Variants in GRK1 observed in about 807,000 individuals in gnomAD.
The protein encoded by GRK1 is rhodopsin kinase GRK1.
In GRK1, 28 loss-of-function variants were observed where a neutral mutation model predicts 41.7. The ratio of observed to expected loss-of-function variants is 0.67; its 90% confidence interval spans 0.50 to 0.92. The LOEUF is 0.92. GRK1 is among the 40% of genes least tolerant of loss of function. GRK1 has a pLI of 0.00. For synonymous variants in GRK1, 327 were observed against 286.7 expected (o/e 1.14, Z -1.42); for missense variants, 703 against 671.2 (o/e 1.05, Z -0.52).
the GRK1 span, chr13:113,649,519 G>T: frequency 6.5e-7 from 1 of 1,535,876 alleles, no homozygotes; most frequent in East Asian, 2.5e-5. This position sits in a 1 kb window ranked among gnomAD's most constrained non-coding sequence, Gnocchi z 4.7. Context: ...TGCCACCAGG[G>T]GGTTGCTGTA....
chr13:113,651,145 T>A, the GRK1 span, among the ~76,000 whole-genome samples: 1 of 152,022 alleles, frequency 6.6e-6, no homozygotes, highest in African/African-American at 2.4e-5. Flanking sequence ...CTGTGAAACC[T>A]TTGCCTTTGG....
At chr13:113,733,655 G>GTGTGCTCATGTA (rs2049959315) in intron 6 of GRK1, among the ~76,000 whole-genome samples, 3 of 89,232 alleles carry the variant, frequency 3.4e-5, no homozygotes, top group East Asian at 4.1e-4. Flanking sequence ...GTGCATACGT[G>GTGTGCTCATGTA]TGTGTGCGTG....
chr13:113,724,628 G>C (rs948875497), intron 4 of GRK1, among the ~76,000 whole-genome samples: 1 of 152,210 alleles, frequency 6.6e-6, no homozygotes, highest in Non-Finnish European at 1.5e-5. Flanking sequence ...CTCATGGCTG[G>C]GTTGCCATCT....
intron 4 of GRK1, among the ~76,000 whole-genome samples, chr13:113,727,921 CG>C (rs1566696758): frequency 9.4e-5 from 8 of 84,802 alleles, no homozygotes; most frequent in African/African-American, 3.8e-4. Flanking sequence ...GTACCCATGG[CG>C]ATGAGGAGTA....
At chr13:113,661,641 C>T in the GRK1 span, among the ~76,000 whole-genome samples, 2 of 152,048 alleles carry the variant, frequency 1.3e-5, no homozygotes, top group South Asian at 2.1e-4. Flanking sequence ...TAACTGATAG[C>T]AGGAATAAAA....
At chr13:113,656,823 C>T in the GRK1 span, among the ~76,000 whole-genome samples, 1 of 152,214 alleles carries the variant, frequency 6.6e-6, no homozygotes, top group Non-Finnish European at 1.5e-5. Context: ...GGAGGCGGCA[C>T]ATGGGAGTCT....
the GRK1 span, among the ~76,000 whole-genome samples, chr13:113,649,895 G>A: frequency 4.6e-5 from 7 of 152,330 alleles, no homozygotes; most frequent in East Asian, 1.3e-3. The surrounding 1 kb of genome is among the most constrained non-coding windows in gnomAD (Gnocchi z 4.7). Context: ...GGGCGCAGTG[G>A]CTCATGCCTG....
In GRK1 at chr13:113,671,390, G is replaced by A. The variant is rs1160810818; in HGVS notation, c.828-109G>A. 12 of 734,984 alleles carry A rather than the reference G, an allele frequency of 1.6e-5. No homozygotes were observed. The highest frequency in any genetic ancestry group is 2.5e-5 in the Non-Finnish European group (10 of 400,640). 45.5% of individuals were successfully genotyped at this position (734,984 alleles called of 1,614,324 possible). ...ACGTAGGGGGGCCAGGCCTCAAAAC[G>A]ACCAGAACGCTGGCCGAGAGACATG... On this transcript the variant is annotated intron_variant, in intron 2 of 6. Transcript: ENST00000335678. This position sits in a 1 kb window ranked among gnomAD's most constrained non-coding sequence, Gnocchi z 4.1.
At chr13:113,655,071 C>T in the GRK1 span, 1 of 1,297,812 alleles carries the variant, frequency 7.7e-7, no homozygotes. Context: ...TTCTCCTCCC[C>T]CAAAACAGAA....
intron 6 of GRK1, among the ~76,000 whole-genome samples, chr13:113,733,612 T>C (rs955085263): frequency 2.0e-5 from 3 of 147,386 alleles, no homozygotes; most frequent in Non-Finnish European, 3.0e-5. Flanking sequence ...TGCGCATGTG[T>C]ATGTGTGTGC....
intron 6 of GRK1, 115 bp from the exon 7 acceptor site, chr13:113,734,953 G>T: frequency 2.9e-6 from 3 of 1,048,682 alleles, no homozygotes; most frequent in Non-Finnish European, 4.0e-6. Flanking sequence ...CCCTAAGGAA[G>T]AGCGGCCCCA....
chr13:113,733,600 TGTGCGC>T (rs2049957095), intron 6 of GRK1, among the ~76,000 whole-genome samples: 1 of 150,816 alleles, frequency 6.6e-6, no homozygotes, highest in Non-Finnish European at 1.5e-5. Flanking sequence ...TGTGTGCATG[TGTGCGC>T]ATGTGTATGT....
rs972297289 is a variant in GRK1, at chr13:113,735,332, C to G, written c.1661C>G (p.Ser554Trp). ...GGCATCTCCGGGGGCTCCAGCTCCT[C>G]GTCCAAGTCAGGGATGTGTCTGGTT... is the stretch of plus-strand genomic sequence containing the variant. ...MKGISGGSSSSSKSGMCLVS is the reference protein window; with the variant it reads ...MKGISGGSSSWSKSGMCLVS The change falls in exon 7 of 7, where the codon TCG (serine) becomes TGG (tryptophan). Residue 554 changes from serine to tryptophan, a missense_variant. Physicochemically the swap from Ser to Trp is radical, Grantham distance 177. Transcript: ENST00000335678. The G allele has an allele frequency of 2.6e-6, 4 of 1,522,564 alleles. No individual in the cohort carries two copies. In the African/African-American group the frequency reaches 5.5e-5, roughly 21 times the overall value. The allele number at this position is 1,522,564 out of a possible 1,614,324, so 94.3% of individuals were successfully genotyped here.
intron 6 of GRK1, among the ~76,000 whole-genome samples, chr13:113,733,689 G>A (rs796415439): frequency 0.11 from 12,867 of 120,292 alleles, 880 homozygotes; most frequent in African/African-American, 0.16. Flanking sequence ...GCATGTATGT[G>A]TGCATACATG....
chr13:113,723,868 C>T (rs529669251), intron 4 of GRK1, among the ~76,000 whole-genome samples: 1 of 150,692 alleles, frequency 6.6e-6, no homozygotes, highest in South Asian at 2.1e-4. Context: ...GTGTGCATGC[C>T]CGTGTCTGTG....
Position 113,733,890 on chromosome 13 carries a change from CGT to C in GRK1, c.1396+812_1396+813del, listed in dbSNP as rs1195094143. 3.7e-3 allele frequency among the ~76,000 whole-genome samples: 261 copies of C among 70,600 alleles called. 4 individuals are homozygous for C. Among genetic ancestry groups the C allele is most frequent in the Non-Finnish European group, 5.5e-3 (188 of 34,140 alleles). The allele number at this position is 70,600 out of a possible 152,430, so 46.3% of individuals were successfully genotyped here. On this transcript the variant is annotated intron_variant, in intron 6 of 6. Coordinates refer to ENST00000335678, the MANE Select transcript of GRK1 (RefSeq NM_002929.3). ...GTGTGCGTGTGTGCATACGTGTGTG[CGT>C]GTGTGTATGTGTGCATACAGTGTGC...
chr13:113,649,410 T>C, the GRK1 span: 2 of 1,592,634 alleles, frequency 1.3e-6, no homozygotes, highest in Non-Finnish European at 1.7e-6. This position sits in a 1 kb window ranked among gnomAD's most constrained non-coding sequence, Gnocchi z 4.7. Context: ...CCACTTTCCC[T>C]TCATACGGGT....
chr13:113,734,024 G>A (rs568744617), intron 6 of GRK1, among the ~76,000 whole-genome samples: 11 of 139,368 alleles, frequency 7.9e-5, no homozygotes, highest in African/African-American at 2.8e-4. Context: ...ATGTGTGTGC[G>A]TGCGTGTGCG....
intron 3 of GRK1, among the ~76,000 whole-genome samples, chr13:113,672,340 TGTGTGGTACCTGTATGGTGTGGTATCTG>T (rs2049863034): frequency 6.6e-6 from 1 of 150,962 alleles, no homozygotes; most frequent in Admixed American, 6.6e-5. Context: ...GTATGTGTGG[TGTGTGGTACCTGTATGGTGTGGTATCTG>T]GTGTGGTACG....
Sources: gnomAD v4.1 joint callset for allele counts (sites outside exome capture counted in the v4.1 genomes callset) on GRCh38, gnomAD v4.1.1 for gene constraint, Gnocchi (gnomAD v3.1) non-coding constraint, MANE v1.5 for transcripts, NCBI Gene and HGNC (gene_info 2026-07-23, HGNC 2026-07-21) for gene names.